The following MBNL3 variants were observed in gnomAD, a reference collection of about 807,000 sequenced individuals.
MBNL3 encodes muscleblind-like protein 3.
In MBNL3, 6 loss-of-function variants were observed where a neutral mutation model predicts 24.5. That is an observed-to-expected ratio of 0.25 (90% CI 0.13 to 0.48). The LOEUF (loss-of-function observed/expected upper bound fraction) is 0.48. Among genes scored for constraint, MBNL3 ranks in the 20% least tolerant of loss-of-function variants. The pLI, the probability that MBNL3 is intolerant of heterozygous loss-of-function variation, is 0.99. For synonymous variants in MBNL3, 100 were observed against 101.7 expected (o/e 0.98, Z 0.10); for missense variants, 230 against 293.5 (o/e 0.78, Z 1.58).
rs895740082 is a variant in MBNL3 at position 132,411,814 on chromosome X, C to T, written c.178-5422G>A. Among the ~76,000 whole-genome samples the T allele has an allele frequency of 4.5e-5, 5 of 111,741 alleles. No individual in the cohort carries two copies. The East Asian group carries it at 1.4e-3, about 32-fold the overall frequency. The stretch of plus-strand genomic sequence containing the variant: ...TGTATAACGGCAGAACTACATCTTC[C>T]TCCACTTTCAATCTCCAGGGATGTG... On this transcript the variant is annotated intron_variant, in intron 2 of 8. Transcript: ENST00000370853.
intron 1 of MBNL3, among the ~76,000 whole-genome samples, chrX:132,455,814 T>G (rs910518313): frequency 8.9e-6 from 1 of 112,191 alleles, no homozygotes; most frequent in Non-Finnish European, 1.9e-5. Context: ...TTTAAATCCC[T>G]GGAGAAAGGC....
chrX:132,466,829 C>T (rs188173535), intron 1 of MBNL3, among the ~76,000 whole-genome samples: 180 of 111,419 alleles, frequency 1.6e-3, no homozygotes, highest in Middle Eastern at 4.6e-3. Context: ...CATAGTAAAC[C>T]ATGAGCCAGG....
chrX:132,396,315 A>AATATATATTC (rs1273901593), intron 3 of MBNL3, among the ~76,000 whole-genome samples: 19 of 82,587 alleles, frequency 2.3e-4, no homozygotes, highest in Non-Finnish European at 3.3e-4. Flanking sequence ...TAAAGCACCA[A>AATATATATTC]ATATATATTC....
chrX:132,479,734 C>G (rs1463449491), intron 1 of MBNL3, among the ~76,000 whole-genome samples: 3 of 111,631 alleles, frequency 2.7e-5, no homozygotes, highest in Non-Finnish European at 5.6e-5. Context: ...ATTACTCAAT[C>G]CCATGAAGAA....
chrX:132,437,790 G>T, intron 2 of MBNL3: 2 of 183,550 alleles, frequency 1.1e-5, no homozygotes, highest in Non-Finnish European at 1.7e-5. Context: ...CAAAATAATT[G>T]TAGATGAAAC....
intron 8 of MBNL3, among the ~76,000 whole-genome samples, chrX:132,380,115 T>C (rs1342764093): frequency 8.9e-6 from 1 of 112,450 alleles, no homozygotes; most frequent in Non-Finnish European, 1.9e-5. Context: ...GAAATCTGGG[T>C]ATTGTATTGT....
chrX:132,475,654 G>A (rs915081953), intron 1 of MBNL3, among the ~76,000 whole-genome samples: 1 of 111,898 alleles, frequency 8.9e-6, no homozygotes, highest in African/African-American at 3.3e-5. Flanking sequence ...CCTATTACAG[G>A]ACGTTTTTAT....
At chrX:132,451,056 G>C (rs1946082446) in intron 1 of MBNL3, among the ~76,000 whole-genome samples, 1 of 111,675 alleles carries the variant, frequency 9.0e-6, no homozygotes, top group East Asian at 2.8e-4. Context: ...GTCCCGGAGT[G>C]ACACCCACCA....
chrX:132,462,300 T>A (rs1050711581), intron 1 of MBNL3, among the ~76,000 whole-genome samples: 9 of 112,280 alleles, frequency 8.0e-5, no homozygotes, highest in Non-Finnish European at 1.5e-4. Context: ...GTCAAAGAAC[T>A]AAAGCAACTA....
intron 3 of MBNL3, among the ~76,000 whole-genome samples, chrX:132,394,103 G>C (rs1937595923): frequency 9.0e-6 from 1 of 111,505 alleles, no homozygotes; most frequent in Non-Finnish European, 1.9e-5. Flanking sequence ...GACTCACGAG[G>C]GTGAGTAGGA....
chrX:132,446,206 T>TA (rs1169152176), intron 1 of MBNL3, among the ~76,000 whole-genome samples: 1 of 112,133 alleles, frequency 8.9e-6, no homozygotes, highest in Non-Finnish European at 1.9e-5. Flanking sequence ...TGATGAGCAT[T>TA]TGGGTTGGTT....
In MBNL3 at chrX:132,382,246, T is replaced by A. The variant is rs1316171856; in HGVS notation, c.985A>T (p.Thr329Ser). 8.3e-7 allele frequency: 1 copy of A among 1,208,954 alleles called. No homozygotes were observed. The highest frequency in any genetic ancestry group is 1.1e-6 in the Non-Finnish European group (1 of 894,546). ...GGTGTTGTTGCTGCAGACACAGTGGTAGGTGTAGCACCGTGCATCATGGGC... is the reference window on the plus strand; with the variant it reads ...GGTGTTGTTGCTGCAGACACAGTGGAAGGTGTAGCACCGTGCATCATGGGC... ...IVPMMHGATPTTVSAATTPAT... is the reference protein window; with the variant it reads ...IVPMMHGATPSTVSAATTPAT... The change falls in exon 8 of 9, where the codon ACC (threonine) becomes TCC (serine). Residue 329 changes from threonine to serine, a missense_variant. Coordinates refer to ENST00000370853, the MANE Select transcript of MBNL3 (RefSeq NM_001386889.1).
intron 3 of MBNL3, among the ~76,000 whole-genome samples, chrX:132,399,523 A>G (rs1415737237): frequency 9.0e-6 from 1 of 110,913 alleles, no homozygotes; most frequent in Non-Finnish European, 1.9e-5. Flanking sequence ...ACTTTGTAAT[A>G]CACAAAGTAA....
chrX:132,426,986 G>A (rs886427101), intron 2 of MBNL3, among the ~76,000 whole-genome samples: 2 of 111,541 alleles, frequency 1.8e-5, no homozygotes, highest in African/African-American at 3.3e-5. Context: ...AATCCTTCTA[G>A]GAAACCACAA....
chrX:132,378,417 A>T lies in MBNL3; in HGVS notation c.*1249T>A, dbSNP rs1393126422. 1.8e-5 allele frequency: 2 copies of T among 111,367 alleles called. No individual in the cohort carries two copies. The highest frequency in any genetic ancestry group is 6.5e-5 in the African/African-American group (2 of 30,620). 9.2% of individuals were successfully genotyped at this position (111,367 alleles called of 1,213,427 possible). On this transcript the variant is annotated 3_prime_UTR_variant, in exon 9 of 9. Transcript: ENST00000370853. ...GAGAAGACTGTCCATTTGGGGAGGG[A>T]AGTCCTCATTTGCAACCAATTCTCT... is the stretch of plus-strand genomic sequence containing the variant.
chrX:132,419,783 C>T (rs896254231), intron 2 of MBNL3, among the ~76,000 whole-genome samples: 4 of 112,059 alleles, frequency 3.6e-5, no homozygotes, highest in Admixed American at 1.9e-4. Flanking sequence ...TCTTTATTGG[C>T]AATTTATTTT....
chrX:132,482,616 C>T (rs1947799283), intron 1 of MBNL3, among the ~76,000 whole-genome samples: 1 of 112,376 alleles, frequency 8.9e-6, no homozygotes, highest in African/African-American at 3.2e-5. Flanking sequence ...CTCAAATTCA[C>T]AAACTGCCTC....
intron 2 of MBNL3, chrX:132,413,484 T>C (rs941494338): frequency 3.4e-6 from 4 of 1,163,487 alleles, no homozygotes; most frequent in East Asian, 3.2e-5. Context: ...CCTCTTTACC[T>C]TAAGATTCTT....
intron 2 of MBNL3, among the ~76,000 whole-genome samples, chrX:132,423,599 C>T (rs762184403): frequency 8.9e-6 from 1 of 112,128 alleles, no homozygotes; most frequent in South Asian, 3.7e-4. Context: ...GCACTGAATA[C>T]AAGTTCATCA....
Sources: gnomAD v4.1 joint callset for allele counts (sites outside exome capture counted in the v4.1 genomes callset) on GRCh38, gnomAD v4.1.1 for gene constraint, MANE v1.5 for transcripts, NCBI Gene and HGNC (gene_info 2026-07-23, HGNC 2026-07-21) for gene names.